TEX2: variants seen among roughly 807,000 people sequenced by gnomAD.
TEX2 encodes testis-expressed protein 2.
A neutral mutation model predicts 106.9 loss-of-function variants in TEX2; 53 were observed. The ratio of observed to expected loss-of-function variants is 0.50; its 90% confidence interval spans 0.40 to 0.62. The LOEUF (loss-of-function observed/expected upper bound fraction) is 0.62. Among genes scored for constraint, TEX2 ranks in the 20% least tolerant of loss-of-function variants. The probability of loss-of-function intolerance (pLI) is 0.00; values close to 1 mark genes in which losing one functional copy is unlikely to be tolerated. For missense variants in TEX2, 1,207 were observed against 1,379.0 expected (o/e 0.88, Z 1.98); for synonymous variants, 523 against 534.8 (o/e 0.98, Z 0.30).
At chr17:64,214,458 G>A (rs988520048) in intron 1 of TEX2, among the ~76,000 whole-genome samples, 3 of 152,178 alleles carry the variant, frequency 2.0e-5, no homozygotes, top group Non-Finnish European at 4.4e-5. Flanking sequence ...CATAACCAAT[G>A]TTATAAATGC....
chr17:64,147,772 G>A lies in TEX2; in HGVS notation c.*1197C>T, dbSNP rs1307718467. ...TTAATTTCTTTAAAGTCATGTTCAGGCAAGGTGCTGTTTAAAAAACCACTA... is the reference window on the plus strand; with the variant it reads ...TTAATTTCTTTAAAGTCATGTTCAGACAAGGTGCTGTTTAAAAAACCACTA... On this transcript the variant is annotated 3_prime_UTR_variant, in exon 12 of 12. Coordinates refer to ENST00000584379, the MANE Select transcript of TEX2 (RefSeq NM_001288732.2). The A allele has an allele frequency of 6.6e-6, 1 of 152,534 alleles. No individual in the cohort carries two copies. Among genetic ancestry groups the A allele is most frequent in the African/African-American group, 2.4e-5 (1 of 41,400 alleles). The allele number at this position is 152,534 out of a possible 1,614,324, so 9.4% of individuals were successfully genotyped here.
chr17:64,190,395 G>GA (rs961687430), intron 4 of TEX2, among the ~76,000 whole-genome samples: 1 of 152,002 alleles, frequency 6.6e-6, no homozygotes, highest in African/African-American at 2.4e-5. Context: ...GTAAAAAAGA[G>GA]AAAAAAAGAT....
intron 5 of TEX2, 61 bp from the exon 6 acceptor site, chr17:64,177,532 T>C: frequency 6.4e-7 from 1 of 1,572,414 alleles, no homozygotes; most frequent in South Asian, 1.2e-5. Context: ...GACAGGTGCT[T>C]ATTTTTATAA....
intron 1 of TEX2, among the ~76,000 whole-genome samples, chr17:64,243,082 C>A (rs1207618237): frequency 6.6e-6 from 1 of 152,076 alleles, no homozygotes; most frequent in Non-Finnish European, 1.5e-5. Context: ...GCGCACACCA[C>A]CACACCCGGC....
At chr17:64,202,261 G>A (rs1323925492) in intron 2 of TEX2, among the ~76,000 whole-genome samples, 3 of 152,066 alleles carry the variant, frequency 2.0e-5, no homozygotes, top group African/African-American at 7.3e-5. Context: ...TACAGGCTTT[G>A]ACAGGAAATC....
intron 1 of TEX2, 60 bp from the exon 2 acceptor site, chr17:64,214,302 C>A (rs2033123321): frequency 7.1e-7 from 1 of 1,402,514 alleles, no homozygotes; most frequent in Non-Finnish European, 9.8e-7. Flanking sequence ...GAGACGCTGT[C>A]ATTCGCAGAT....
intron 5 of TEX2, among the ~76,000 whole-genome samples, chr17:64,186,965 G>C (rs1337472910): frequency 6.6e-6 from 1 of 152,212 alleles, no homozygotes; most frequent in Non-Finnish European, 1.5e-5. Flanking sequence ...CAGCAAAATA[G>C]TCTCAGCGAG....
At chr17:64,208,739 C>G (rs1555631134) in intron 2 of TEX2, among the ~76,000 whole-genome samples, 1 of 152,114 alleles carries the variant, frequency 6.6e-6, no homozygotes, top group African/African-American at 2.4e-5. Context: ...ATCCTCCCAC[C>G]TCACCCTCCT....
At chr17:64,171,020 CA>C in intron 7 of TEX2, 79 bp downstream of exon 7, 1 of 1,174,982 alleles carries the variant, frequency 8.5e-7, no homozygotes, top group Non-Finnish European at 1.3e-6. Context: ...CAACACCCTC[CA>C]AACACAAAGC....
In TEX2 at chr17:64,213,814, G is replaced by A. The variant is rs76631276; in HGVS notation, c.404C>T (p.Ser135Phe). The A allele has an allele frequency of 1.9e-6, 3 of 1,614,202 alleles. No homozygotes were observed. In the African/African-American group the frequency reaches 4.0e-5, roughly 22 times the overall value. The change falls in exon 2 of 12, where the codon TCC (serine) becomes TTC (phenylalanine). Residue 135 changes from serine (S) to phenylalanine (F), a missense_variant. Physicochemically the swap from Ser to Phe is radical, Grantham distance 155. Around this residue, in one of 3 missense-constraint regions of TEX2, gnomAD observed 1,067 missense variants for 1,193.6 expected, o/e 0.89. Coordinates refer to ENST00000584379, the MANE Select transcript of TEX2 (RefSeq NM_001288732.2). The surrounding 1 kb of genome is among the most constrained non-coding windows in gnomAD (Gnocchi z 4.4). ...GGGCCCCGACGAAGACGACCCTGGG[G>A]ACACAGCCAATGGCACTGTACTTAA... ...QVLSTVPLAV[S>F]PGSSSSGPLA...
rs556629133 is a variant in TEX2 at position 64,228,283 on chromosome 17, A to AGGCAGCGGGGTAT, written c.-25-14054_-25-14042dup. ...GGAAGACAATTTTTCCACGGACCAG[A>AGGCAGCGGGGTAT]GGCAGCGGGGTATGGTTTCGGGATG... is the stretch of plus-strand genomic sequence containing the variant. On this transcript the variant is annotated intron_variant, in intron 1 of 11. Transcript: ENST00000584379. 5.2e-3 allele frequency among the ~76,000 whole-genome samples: 792 copies of AGGCAGCGGGGTAT among 152,314 alleles called. 11 individuals carry two copies. Among genetic ancestry groups the AGGCAGCGGGGTAT allele is most frequent in the African/African-American group, 0.018 (731 of 41,564 alleles).
chr17:64,148,739 T>C lies in TEX2; in HGVS notation c.*230A>G, dbSNP rs1273150549. 7.9e-6 allele frequency: 4 copies of C among 506,130 alleles called. No homozygotes were observed. The highest frequency in any genetic ancestry group is 1.4e-5 in the Non-Finnish European group (4 of 287,438). 31.4% of individuals were successfully genotyped at this position (506,130 alleles called of 1,614,324 possible). Reference sequence around the variant, plus strand: ...TTCTGGATCCACCATGATTCTTCCATGGTCTCCTTTGCCAAATCAAAGCTT... The same window carrying C: ...TTCTGGATCCACCATGATTCTTCCACGGTCTCCTTTGCCAAATCAAAGCTT... On this transcript the variant is annotated 3_prime_UTR_variant, in exon 12 of 12. Transcript: ENST00000584379.
intron 4 of TEX2, among the ~76,000 whole-genome samples, chr17:64,189,393 G>C (rs563977818): frequency 6.6e-6 from 1 of 152,182 alleles, no homozygotes; most frequent in Non-Finnish European, 1.5e-5. Flanking sequence ...TCCTGGCCCA[G>C]GTGGGGAAGA....
intron 6 of TEX2, among the ~76,000 whole-genome samples, chr17:64,171,993 A>AG (rs2031424444): frequency 6.6e-6 from 1 of 151,600 alleles, no homozygotes; most frequent in African/African-American, 2.4e-5. Flanking sequence ...AAAAAAAAAA[A>AG]AAGAAAAGAA....
Position 64,183,674 on chromosome 17 carries a change from C to T in TEX2, c.2424+4494G>A, listed in dbSNP as rs187928745. Among the ~76,000 whole-genome samples, 47 of 152,270 alleles carry T rather than the reference C, an allele frequency of 3.1e-4. No homozygotes were observed. In the East Asian group the frequency reaches 5.6e-3, roughly 18 times the overall value. ...AACTCCTGAGCTCAGGCAGTCCACC[C>T]GCCTCGGCCTCCCAAAGTGTTAGGA... On this transcript the variant is annotated intron_variant, in intron 5 of 11. Transcript: ENST00000584379.
At chr17:64,222,082 G>A (rs535606220) in intron 1 of TEX2, among the ~76,000 whole-genome samples, 1 of 152,270 alleles carries the variant, frequency 6.6e-6, no homozygotes, top group East Asian at 1.9e-4. Flanking sequence ...AAAAGTTCTG[G>A]AGATTGGTTG....
chr17:64,175,749 G>C (rs900297869), intron 6 of TEX2, among the ~76,000 whole-genome samples: 1 of 152,220 alleles, frequency 6.6e-6, no homozygotes, highest in Admixed American at 6.5e-5. Flanking sequence ...GCTCAAGTCA[G>C]CTTTGGAATG....
At chr17:64,193,530 G>A (rs1203598669) in intron 4 of TEX2, 29 bp downstream of exon 4, 6 of 1,402,840 alleles carry the variant, frequency 4.3e-6, no homozygotes, top group Admixed American at 2.7e-5. Context: ...CTTTAAAAAT[G>A]CATAAGCATT....
intron 2 of TEX2, among the ~76,000 whole-genome samples, chr17:64,203,435 C>G (rs1385539690): frequency 6.6e-6 from 1 of 152,206 alleles, no homozygotes; most frequent in African/African-American, 2.4e-5. Flanking sequence ...AAGGTAATTA[C>G]TCTCTGTCTC....
Sources: gnomAD v4.1 joint callset for allele counts (sites outside exome capture counted in the v4.1 genomes callset) on GRCh38, gnomAD v4.1.1 for gene constraint, gnomAD v4.1.1 regional missense constraint, Gnocchi (gnomAD v3.1) non-coding constraint, MANE v1.5 for transcripts, NCBI Gene and HGNC (gene_info 2026-07-23, HGNC 2026-07-21) for gene names.